The following WDR7 variants were observed in gnomAD, a reference collection of about 807,000 sequenced individuals.
WDR7 encodes WD repeat domain 7.
A neutral mutation model predicts 169.4 loss-of-function variants in WDR7; 46 were observed. The ratio of observed to expected loss-of-function variants is 0.27; its 90% CI spans 0.21 to 0.35. The LOEUF (loss-of-function observed/expected upper bound fraction) is 0.35. WDR7 is among the 10% of genes least tolerant of loss of function. WDR7 has a pLI of 1.00. For synonymous variants in WDR7, 612 were observed against 666.8 expected (o/e 0.92, Z 1.27); for missense variants, 1,534 against 1,859.3 (o/e 0.83, Z 3.22).
Position 56,776,894 on chromosome 18 carries a change from C to T in WDR7, c.2947+14C>T, listed in dbSNP as rs776052168. On this transcript the variant is annotated intron_variant, in intron 17 of 27. Transcript: ENST00000254442. The stretch of plus-strand genomic sequence containing the variant: ...TAGTAAATGAAGGTATCTCTCTCAA[C>T]TTCTAACAACTTTCTCTCAATCTGT... 4 of 1,595,510 alleles carry T rather than the reference C, an allele frequency of 2.5e-6. No individual in the cohort carries two copies. The highest frequency in any genetic ancestry group is 3.4e-6 in the Non-Finnish European group (4 of 1,163,368).
At chr18:56,890,597 A>G (rs1001287446) in intron 21 of WDR7, among the ~76,000 whole-genome samples, 2 of 152,204 alleles carry the variant, frequency 1.3e-5, no homozygotes, top group Non-Finnish European at 2.9e-5. Context: ...AAGAACAGAT[A>G]TTCTTACCAT....
chr18:56,783,162 TAAA>T (rs5825204), intron 19 of WDR7, among the ~76,000 whole-genome samples: 1 of 148,530 alleles, frequency 6.7e-6, no homozygotes, highest in Non-Finnish European at 1.5e-5. Flanking sequence ...CAAATTAAGT[TAAA>T]AAAAAAAACA....
intron 2 of WDR7, among the ~76,000 whole-genome samples, chr18:56,676,088 A>G (rs2025237892): frequency 6.6e-6 from 1 of 151,926 alleles, no homozygotes; most frequent in Non-Finnish European, 1.5e-5. Context: ...AAATTGTTAT[A>G]CCCTCTTGCT....
intron 20 of WDR7, among the ~76,000 whole-genome samples, chr18:56,839,960 G>T (rs772913379): frequency 6.6e-6 from 1 of 152,180 alleles, no homozygotes; most frequent in Non-Finnish European, 1.5e-5. Flanking sequence ...TACTCGGGAG[G>T]CTGAGGCAGG....
intron 25 of WDR7, among the ~76,000 whole-genome samples, chr18:56,951,881 G>A (rs982030508): frequency 1.8e-4 from 28 of 152,208 alleles, no homozygotes; most frequent in African/African-American, 6.7e-4. Context: ...TTTACAGTGA[G>A]TTATAACTAT....
intron 13 of WDR7, among the ~76,000 whole-genome samples, chr18:56,724,977 A>G (rs2026410350): frequency 6.6e-6 from 1 of 152,026 alleles, no homozygotes. Context: ...TACAAAGGAC[A>G]TGAACTCATT....
intron 26 of WDR7, among the ~76,000 whole-genome samples, chr18:56,975,672 G>A (rs186510640): frequency 2.1e-4 from 32 of 152,020 alleles, no homozygotes; most frequent in Admixed American, 4.6e-4. Context: ...TAATTCTACC[G>A]TCTGTAAAAC....
intron 26 of WDR7, among the ~76,000 whole-genome samples, chr18:57,008,037 TA>T (rs2048089460): frequency 6.6e-6 from 1 of 152,142 alleles, no homozygotes; most frequent in African/African-American, 2.4e-5. Flanking sequence ...CCTCACTCTC[TA>T]ACATATTTCT....
At chr18:56,824,388 G>A (rs2045159272) in intron 20 of WDR7, among the ~76,000 whole-genome samples, 1 of 152,164 alleles carries the variant, frequency 6.6e-6, no homozygotes, top group African/African-American at 2.4e-5. Flanking sequence ...TGCACTTTCT[G>A]AGTCATGTGG....
chr18:56,686,178 A>T, intron 6 of WDR7, 146 bp downstream of exon 6: 1 of 610,924 alleles, frequency 1.6e-6, no homozygotes, highest in Non-Finnish European at 2.7e-6. Context: ...ATAGTATGGA[A>T]GATTCTCTAG....
intron 20 of WDR7, among the ~76,000 whole-genome samples, chr18:56,826,419 A>G (rs948112494): frequency 3.3e-5 from 5 of 152,216 alleles, no homozygotes; most frequent in Non-Finnish European, 5.9e-5. Context: ...CTGATACTTC[A>G]TAGTCATTTT....
chr18:56,792,614 T>TC (rs1445473107), intron 19 of WDR7, among the ~76,000 whole-genome samples: 1 of 127,790 alleles, frequency 7.8e-6, no homozygotes, highest in Non-Finnish European at 1.6e-5. Flanking sequence ...AAATCTTTGT[T>TC]TTTTTTTTTT....
chr18:56,707,164 G>C (rs575208877), intron 12 of WDR7, among the ~76,000 whole-genome samples: 1 of 152,132 alleles, frequency 6.6e-6, no homozygotes, highest in Admixed American at 6.5e-5. Flanking sequence ...TATGTTTTTA[G>C]TAGAGATGAG....
intron 16 of WDR7, 146 bp downstream of exon 16, chr18:56,759,099 A>G (rs1024360369): frequency 3.7e-6 from 2 of 543,408 alleles, no homozygotes; most frequent in African/African-American, 3.9e-5. Context: ...AAATATGGAT[A>G]ATTAAGATGT....
At chr18:56,751,006 C>T (rs570500464) in intron 14 of WDR7, among the ~76,000 whole-genome samples, 43 of 152,240 alleles carry the variant, frequency 2.8e-4, no homozygotes, top group African/African-American at 9.6e-4. Flanking sequence ...CATTTTCTCT[C>T]CTTTTTAGTC....
intron 26 of WDR7, among the ~76,000 whole-genome samples, chr18:56,989,731 A>AT (rs1466598412): frequency 6.6e-6 from 1 of 152,056 alleles, no homozygotes; most frequent in East Asian, 1.9e-4. Context: ...TCAATAGAGT[A>AT]TTTTTTTCTT....
rs113874412 is a variant in WDR7 at position 56,969,924 on chromosome 18, T to C, written c.4164+7395T>C. ...GTGGTTGCGTAGTTAATAGAGTAGA[T>C]TCTGAAACTGAGCTGCCTGAATTCA... On this transcript the variant is annotated intron_variant, in intron 26 of 27. Transcript: ENST00000254442. 5.2e-3 allele frequency among the ~76,000 whole-genome samples: 793 copies of C among 152,342 alleles called. 6 individuals carry two copies. Among genetic ancestry groups the C allele is most frequent in the African/African-American group, 0.018 (760 of 41,576 alleles).
chr18:56,850,736 C>T (rs1406834509), intron 20 of WDR7, among the ~76,000 whole-genome samples: 2 of 152,208 alleles, frequency 1.3e-5, no homozygotes, highest in South Asian at 2.1e-4. Context: ...TGGTCTTGAA[C>T]TCCTGGCCTC....
chr18:56,727,358 C>G (rs1320693138), intron 13 of WDR7, among the ~76,000 whole-genome samples: 1 of 150,900 alleles, frequency 6.6e-6, no homozygotes, highest in Admixed American at 6.6e-5. Context: ...TTTTTTCTAT[C>G]TTTTGAACCT....
Sources: gnomAD v4.1 joint callset for allele counts (sites outside exome capture counted in the v4.1 genomes callset) on GRCh38, gnomAD v4.1.1 for gene constraint, MANE v1.5 for transcripts, NCBI Gene and HGNC (gene_info 2026-07-23, HGNC 2026-07-21) for gene names.